The following TNNI3K variants were observed in gnomAD, a reference collection of about 807,000 sequenced individuals.
The protein encoded by TNNI3K is TNNI3 interacting kinase.
TNNI3K carries 140 observed loss-of-function variants against 114.5 expected under a neutral mutation model. The ratio of observed to expected loss-of-function variants is 1.22; its 90% CI spans 1.07 to 1.41. The LOEUF (loss-of-function observed/expected upper bound fraction) is 1.41, where lower values mean the gene tolerates loss of function less well. TNNI3K is among the 40% of genes most tolerant of loss of function. The pLI, the probability that TNNI3K is intolerant of heterozygous loss-of-function variation, is 0.00. For synonymous variants in TNNI3K, 347 were observed against 347.5 expected, an observed-to-expected ratio of 1.00 and a Z score of 0.02; for missense variants, 1,125 against 1,007.6, an observed-to-expected ratio of 1.12 and a Z score of -1.58.
At chr1:74,467,024 G>A (rs150540803) in intron 21 of TNNI3K, among the ~76,000 whole-genome samples, 41 of 152,294 alleles carry the variant, frequency 2.7e-4, no homozygotes, top group African/African-American at 8.4e-4. Context: ...CTCGCAAGTT[G>A]GGGGACAAAG....
At chr1:74,350,994 C>T (rs901045292) in intron 9 of TNNI3K, among the ~76,000 whole-genome samples, 134 of 151,810 alleles carry the variant, frequency 8.8e-4, no homozygotes, top group African/African-American at 3.1e-3. Flanking sequence ...TATGTGTGAA[C>T]TTGATCCTGT....
At chr1:74,267,626 G>A (rs1321201495) in intron 4 of TNNI3K, among the ~76,000 whole-genome samples, 1 of 151,948 alleles carries the variant, frequency 6.6e-6, no homozygotes, top group Non-Finnish European at 1.5e-5. Context: ...TTGGCTCATA[G>A]TAAGCAATTT....
chr1:74,493,373 G>A (rs559436693), intron 23 of TNNI3K, among the ~76,000 whole-genome samples: 24 of 152,134 alleles, frequency 1.6e-4, no homozygotes, highest in South Asian at 8.3e-4. Context: ...ACTTTACCTC[G>A]ATGAAAACAG....
chr1:74,246,583 A>G (rs1451561231), intron 2 of TNNI3K, among the ~76,000 whole-genome samples: 1 of 152,238 alleles, frequency 6.6e-6, no homozygotes, highest in African/African-American at 2.4e-5. Flanking sequence ...CCACAAGAAA[A>G]AAAAACAAAG....
chr1:74,297,088 A>AT (rs893153323), intron 5 of TNNI3K, among the ~76,000 whole-genome samples: 21 of 150,780 alleles, frequency 1.4e-4, no homozygotes, highest in African/African-American at 4.6e-4. Context: ...TTGGGACTTG[A>AT]TTTTTTTTTA....
chr1:74,432,384 A>G (rs1370110578), intron 17 of TNNI3K, among the ~76,000 whole-genome samples: 1 of 152,116 alleles, frequency 6.6e-6, no homozygotes, highest in Non-Finnish European at 1.5e-5. Context: ...ATGGATGTAA[A>G]TAAACCTCTT....
At chr1:74,268,811 A>G (rs1656173918) in intron 4 of TNNI3K, among the ~76,000 whole-genome samples, 1 of 151,766 alleles carries the variant, frequency 6.6e-6, no homozygotes, top group East Asian at 1.9e-4. Context: ...AAAACGAAAC[A>G]TTTTACTTCT....
At chr1:74,328,428 T>C (rs1310504146) in intron 5 of TNNI3K, among the ~76,000 whole-genome samples, 1 of 152,088 alleles carries the variant, frequency 6.6e-6, no homozygotes, top group African/African-American at 2.4e-5. Context: ...CAATATACCA[T>C]ATTCCCGTTA....
At chr1:74,281,146 C>T (rs1017809915) in intron 5 of TNNI3K, among the ~76,000 whole-genome samples, 2 of 152,060 alleles carry the variant, frequency 1.3e-5, no homozygotes, top group African/African-American at 4.8e-5. Flanking sequence ...ATTAAAGAGC[C>T]CTCAGGCCTT....
intron 21 of TNNI3K, among the ~76,000 whole-genome samples, chr1:74,465,492 C>T (rs983233781): frequency 1.7e-4 from 26 of 152,218 alleles, no homozygotes; most frequent in Non-Finnish European, 3.5e-4. Context: ...CAGCTGCCTC[C>T]CCACACGGCA....
At chr1:74,422,353 A>G (rs1665441125) in intron 17 of TNNI3K, among the ~76,000 whole-genome samples, 2 of 152,188 alleles carry the variant, frequency 1.3e-5, no homozygotes, top group Admixed American at 6.5e-5. Flanking sequence ...TTATTTCTTT[A>G]CTGAAAAAAC....
intron 23 of TNNI3K, among the ~76,000 whole-genome samples, chr1:74,501,898 T>G (rs1036978480): frequency 6.6e-6 from 1 of 152,158 alleles, no homozygotes. Context: ...ATACATTTTC[T>G]TTTTCTCACT....
At chr1:74,361,441 G>C (rs1463134250) in intron 11 of TNNI3K, among the ~76,000 whole-genome samples, 3 of 151,946 alleles carry the variant, frequency 2.0e-5, no homozygotes, top group Non-Finnish European at 4.4e-5. Flanking sequence ...AGATAGCATT[G>C]AATATAAAAG....
chr1:74,318,122 C>T (rs1659419331), intron 5 of TNNI3K, among the ~76,000 whole-genome samples: 2 of 152,180 alleles, frequency 1.3e-5, no homozygotes, highest in African/African-American at 4.8e-5. Flanking sequence ...AATTTGTTCT[C>T]ATCGCCTAGG....
chr1:74,483,772 G>A (rs1309796419), intron 21 of TNNI3K, among the ~76,000 whole-genome samples: 2 of 152,112 alleles, frequency 1.3e-5, no homozygotes, highest in African/African-American at 2.4e-5. Context: ...TAGCGGGTAG[G>A]TATTTAACCA....
intron 5 of TNNI3K, among the ~76,000 whole-genome samples, chr1:74,329,454 C>T (rs1007696774): frequency 6.6e-6 from 1 of 152,006 alleles, no homozygotes; most frequent in Non-Finnish European, 1.5e-5. Flanking sequence ...TGTATAGAAG[C>T]CTATGTACCT....
At chr1:74,266,342 T>C (rs1332905527) in intron 4 of TNNI3K, among the ~76,000 whole-genome samples, 2 of 152,124 alleles carry the variant, frequency 1.3e-5, no homozygotes, top group East Asian at 3.9e-4. Flanking sequence ...TGACACAGGT[T>C]AGTCAGATTT....
rs762904277 is a variant in TNNI3K, at chr1:74,367,219, A to G, written c.1178-37A>G. ...GAGTAGACTGAATAACTTAAACAAA[A>G]TTTAGGACTCTTTGTTCTTTGTATC... On this transcript the variant is annotated intron_variant, in intron 11 of 24. Transcript: ENST00000326637. 5.0e-6 allele frequency: 8 copies of G among 1,603,764 alleles called. No individual in the cohort carries two copies. In the Admixed American group the frequency reaches 1.4e-4, roughly 27 times the overall value.
chr1:74,478,938 G>T (rs1290205167), intron 21 of TNNI3K, among the ~76,000 whole-genome samples: 1 of 152,110 alleles, frequency 6.6e-6, no homozygotes, highest in East Asian at 1.9e-4. Context: ...CCTAACATTT[G>T]AATTTCCTTC....
Sources: allele counts gnomAD v4.1 joint callset (sites outside exome capture counted in the v4.1 genomes callset), GRCh38; gene constraint gnomAD v4.1.1; transcripts MANE v1.5; gene names NCBI Gene and HGNC (gene_info 2026-07-23, HGNC 2026-07-21).